The following MPND variants were observed in gnomAD, a reference collection of about 807,000 sequenced individuals.
MPND encodes MPN domain-containing protein.
In MPND, 56 loss-of-function variants were observed where a neutral mutation model predicts 59.2. The ratio of observed to expected loss-of-function variants is 0.95; its 90% CI spans 0.76 to 1.18. MPND has a LOEUF of 1.18. MPND is among the 50% of genes most tolerant of loss of function. MPND has a pLI of 0.00. For missense variants in MPND, 671 were observed against 676.0 expected (o/e 0.99, Z 0.08); for synonymous variants, 323 against 291.9 (o/e 1.11, Z -1.09).
At chr19:4,357,832 T>C in intron 10 of MPND, 1 of 605,194 alleles carries the variant, frequency 1.7e-6, no homozygotes, top group African/African-American at 1.9e-5. Flanking sequence ...CTGGCTTCAT[T>C]CCCCAATCCT....
chr19:4,357,795 CAA>C (rs994578470), intron 10 of MPND: 1 of 617,150 alleles, frequency 1.6e-6, no homozygotes, highest in Non-Finnish European at 2.8e-6. Flanking sequence ...CTGCTCAGTA[CAA>C]AGAGGGCTCC....
chr19:4,357,736 C>T, intron 10 of MPND, 151 bp downstream of exon 10: 1 of 768,582 alleles, frequency 1.3e-6, no homozygotes, highest in South Asian at 1.9e-5. Flanking sequence ...TGCTGCCCTG[C>T]CCATATTTTG....
rs61730130 is a variant in MPND at position 4,357,229 on chromosome 19, G to C, written c.997-24G>C. 8.2e-4 allele frequency: 1,284 copies of C among 1,561,702 alleles called. 6 individuals are homozygous for C. In the African/African-American group the frequency reaches 1.0e-2, roughly 12 times the overall value. On this transcript the variant is annotated intron_variant, in intron 8 of 12. Transcript: ENST00000599840. ...TAGAGCCGTTCAGGCCCCTGTGCCC[G>C]CTGAGCTGCGCCTCTGTCCCCAGAT...
In MPND at chr19:4,343,933, G is replaced by A; in HGVS notation, c.233G>A (p.Arg78Gln). 1 of 1,368,786 alleles carries A rather than the reference G, an allele frequency of 7.3e-7. No homozygotes were observed. The highest frequency in any genetic ancestry group is 9.4e-7 in the Non-Finnish European group (1 of 1,058,602). The allele number at this position is 1,368,786 out of a possible 1,614,324, so 84.8% of individuals were successfully genotyped here. ...CTCACCAGGCGCGCGGTCACACTGC[G>A]GGTGCTCCTCAAAGACGCGCTGCTG... ...GALTRRAVTLRVLLKDALLEP... is the reference protein window; with the variant it reads ...GALTRRAVTLQVLLKDALLEP... Residue 78 changes from arginine to glutamine, a missense_variant, in exon 2 of 13, where the codon CGG becomes CAG. Arg to Gln is a conservative substitution (Grantham distance 43). Transcript: ENST00000599840.
In MPND at chr19:4,347,030, AAAC is replaced by A. The variant is rs147980399; in HGVS notation, c.531+1061_531+1063del. ...GGCAACAGATTGAGACTCCATTTCA[AAAC>A]AACAACAACAAAACCCCAAAATGGA... On this transcript the variant is annotated intron_variant, in intron 3 of 12. Transcript: ENST00000599840. Among the ~76,000 whole-genome samples, 461 of 152,186 alleles carry A rather than the reference AAAC, an allele frequency of 3.0e-3. 1 individual carries two copies. Among genetic ancestry groups the A allele is most frequent in the African/African-American group, 9.9e-3 (410 of 41,528 alleles).
At position 4,352,876 on chromosome 19, in the gene MPND, C is replaced by T. The variant is rs568493740; in HGVS notation, c.532-21C>T. The T allele has an allele frequency of 3.1e-4, 409 of 1,337,086 alleles. 2 individuals carry two copies. The African/African-American group carries it at 5.7e-3, about 18-fold the overall frequency. 82.8% of individuals were successfully genotyped at this position (1,337,086 alleles called of 1,614,324 possible). A position where few individuals can be genotyped will look rare whatever the true frequency, so the allele number is the denominator to read the frequency against. ...CCCAGCTGAGGGTCCCACCGCTGTC[C>T]CTGACCCCTAACCCCTGCAGAGCCC... On this transcript the variant is annotated intron_variant, in intron 3 of 12. Transcript: ENST00000599840.
intron 2 of MPND, among the ~76,000 whole-genome samples, chr19:4,344,430 G>A (rs148691632): frequency 6.6e-6 from 1 of 152,210 alleles, no homozygotes; most frequent in Admixed American, 6.5e-5. Flanking sequence ...GGACACTGAG[G>A]CCCGGAGCTC....
intron 8 of MPND, 131 bp downstream of exon 8, chr19:4,355,304 T>C (rs1340345795): frequency 1.3e-6 from 1 of 781,532 alleles, no homozygotes; most frequent in African/African-American, 1.8e-5. Flanking sequence ...TCTGTGTGCT[T>C]GGGACCCCAT....
intron 4 of MPND, 107 bp from the exon 5 acceptor site, chr19:4,353,938 C>T: frequency 1.1e-6 from 1 of 934,846 alleles, no homozygotes; most frequent in Non-Finnish European, 1.7e-6. Context: ...AAGCGATCCT[C>T]CTGCTTCAGC....
intron 10 of MPND, 155 bp downstream of exon 10, chr19:4,357,740 T>C: frequency 2.7e-6 from 2 of 751,568 alleles, no homozygotes; most frequent in East Asian, 2.7e-5. Flanking sequence ...GCCCTGCCCA[T>C]ATTTTGGTGA....
At chr19:4,345,040 CTTTT>C (rs773615575) in intron 2 of MPND, among the ~76,000 whole-genome samples, 7 of 66,438 alleles carry the variant, frequency 1.1e-4, no homozygotes, top group East Asian at 8.4e-4. Flanking sequence ...CATGCCCGGC[CTTTT>C]TTTTTTTTTT....
At chr19:4,345,325 G>A (rs534695217) in intron 2 of MPND, among the ~76,000 whole-genome samples, 1 of 152,280 alleles carries the variant, frequency 6.6e-6, no homozygotes, top group Non-Finnish European at 1.5e-5. Flanking sequence ...GGGATTACAG[G>A]CGTGAACCAC....
chr19:4,348,296 T>C, intron 3 of MPND: 1 of 144,438 alleles, frequency 6.9e-6, no homozygotes. Context: ...AGTCTCGCTC[T>C]GTCGCCCAGG....
At chr19:4,352,869 C>G (rs767736239) in intron 3 of MPND, 28 bp from the exon 4 acceptor site, 1 of 1,329,526 alleles carries the variant, frequency 7.5e-7, no homozygotes, top group Admixed American at 3.1e-5. Context: ...AGGGTCCCAC[C>G]GCTGTCCCTG....
intron 11 of MPND, 65 bp downstream of exon 11, chr19:4,358,237 G>A (rs377264342): frequency 1.4e-6 from 2 of 1,408,272 alleles, no homozygotes; most frequent in Admixed American, 3.9e-5. Context: ...CGATGCGTTG[G>A]TCTGCTTCCC....
intron 12 of MPND, 109 bp from the exon 13 acceptor site, chr19:4,359,807 C>T (rs980556926): frequency 2.5e-5 from 21 of 823,538 alleles, no homozygotes; most frequent in South Asian, 3.5e-5. Context: ...CCCTGTGCCT[C>T]GGTCTCAGGG....
Position 4,359,913 on chromosome 19 carries a change from CA to C in MPND, c.1420-2del. On this transcript the variant is annotated splice_acceptor_variant, in intron 12 of 12. Coordinates refer to ENST00000599840, the MANE Select transcript of MPND (RefSeq NM_001300862.2). LOFTEE classifies it high-confidence loss of function. ...AGCCTGAGGCCCAGCCCCCTCGTTT[CA>C]GATCTCCTTGGCCAGCAGGACGCCC... 1 of 1,563,102 alleles carries C rather than the reference CA, an allele frequency of 6.4e-7. No individual in the cohort carries two copies. The highest frequency in any genetic ancestry group is 1.2e-5 in the South Asian group (1 of 84,906).
intron 11 of MPND, 141 bp downstream of exon 11, chr19:4,358,313 A>C: frequency 2.8e-6 from 2 of 717,098 alleles, no homozygotes; most frequent in South Asian, 3.4e-5. Flanking sequence ...TTCTTCCATC[A>C]CTCAGGACAG....
intron 3 of MPND, among the ~76,000 whole-genome samples, 177 bp from the exon 4 acceptor site, chr19:4,352,715 TAAATA>T (rs771462179): frequency 3.2e-5 from 3 of 94,518 alleles, no homozygotes; most frequent in Non-Finnish European, 6.2e-5. Context: ...AAATTACAAA[TAAATA>T]AAAAAAAATG....
Sources: gnomAD v4.1 joint callset for allele counts (sites outside exome capture counted in the v4.1 genomes callset) on GRCh38, gnomAD v4.1.1 for gene constraint, MANE v1.5 for transcripts, NCBI Gene and HGNC (gene_info 2026-07-23, HGNC 2026-07-21) for gene names.